KCNH8: variants seen among roughly 807,000 people sequenced by gnomAD.
KCNH8 encodes potassium voltage-gated channel subfamily H member 8, also known as voltage-gated delayed rectifier potassium channel KCNH8.
Under a neutral mutation model 103.6 loss-of-function variants are expected in KCNH8, and 70 were observed. That is an observed-to-expected ratio of 0.68 (90% CI 0.56 to 0.82). KCNH8 has a LOEUF of 0.82. Ranked by LOEUF, KCNH8 falls within the 40% of genes least tolerant of loss-of-function variation. The probability of loss-of-function intolerance (pLI) is 0.00; values close to 1 mark genes in which losing one functional copy is unlikely to be tolerated. For synonymous variants in KCNH8, 498 were observed against 489.4 expected, an observed-to-expected ratio of 1.02 and a Z score of -0.23; for missense variants, 1,217 against 1,329.9, an observed-to-expected ratio of 0.92 and a Z score of 1.32.
intron 14 of KCNH8, among the ~76,000 whole-genome samples, chr3:19,515,814 G>A (rs942444445): frequency 6.6e-6 from 1 of 151,996 alleles, no homozygotes; most frequent in African/African-American, 2.4e-5. Context: ...TATTTAACCA[G>A]TTTATTCAGT....
At chr3:19,394,353 A>C (rs886614900) in intron 6 of KCNH8, among the ~76,000 whole-genome samples, 2 of 152,048 alleles carry the variant, frequency 1.3e-5, no homozygotes, top group Non-Finnish European at 2.9e-5. Context: ...TTGGACCCTG[A>C]AGTCAATAAA....
chr3:19,360,905 A>G (rs2125109353), intron 5 of KCNH8, among the ~76,000 whole-genome samples: 1 of 152,232 alleles, frequency 6.6e-6, no homozygotes, highest in South Asian at 2.1e-4. Flanking sequence ...TAGAGGTACA[A>G]GTGGACATAG....
chr3:19,497,230 A>G (rs1417396921), intron 11 of KCNH8, among the ~76,000 whole-genome samples: 3 of 152,048 alleles, frequency 2.0e-5, no homozygotes, highest in Non-Finnish European at 1.5e-5. Flanking sequence ...ATGATTTTTC[A>G]TGTCTTAATA....
At chr3:19,507,335 G>A (rs1242052438) in intron 11 of KCNH8, among the ~76,000 whole-genome samples, 1 of 152,180 alleles carries the variant, frequency 6.6e-6, no homozygotes, top group Non-Finnish European at 1.5e-5. Flanking sequence ...CTCAGAGCCA[G>A]TATCAGTGGG....
chr3:19,201,315 A>G (rs575380181), intron 1 of KCNH8, among the ~76,000 whole-genome samples: 54 of 150,440 alleles, frequency 3.6e-4, no homozygotes, highest in African/African-American at 1.3e-3. Flanking sequence ...TTTTAACACA[A>G]CATGTTTATT....
At chr3:19,447,364 T>C (rs1030148282) in intron 8 of KCNH8, among the ~76,000 whole-genome samples, 10 of 152,066 alleles carry the variant, frequency 6.6e-5, no homozygotes, top group Admixed American at 5.9e-4. Flanking sequence ...ACAACACTTA[T>C]GAATGCTACA....
At chr3:19,520,008 A>C (rs1362085995) in intron 15 of KCNH8, among the ~76,000 whole-genome samples, 1 of 151,674 alleles carries the variant, frequency 6.6e-6, no homozygotes, top group East Asian at 1.9e-4. Flanking sequence ...TAGATCCATT[A>C]ACAAAAAAAA....
chr3:19,195,617 C>T (rs1457763014), intron 1 of KCNH8, among the ~76,000 whole-genome samples: 1 of 151,894 alleles, frequency 6.6e-6, no homozygotes, highest in Non-Finnish European at 1.5e-5. Context: ...TGGTGTGCTG[C>T]AGTTTTTCGC....
intron 8 of KCNH8, among the ~76,000 whole-genome samples, chr3:19,447,649 G>A (rs2067382364): frequency 6.6e-6 from 1 of 151,950 alleles, no homozygotes; most frequent in African/African-American, 2.4e-5. Context: ...GCCTGAAGTC[G>A]ATGTTTAATT....
chr3:19,200,087 T>C (rs2063641609), intron 1 of KCNH8, among the ~76,000 whole-genome samples: 3 of 152,230 alleles, frequency 2.0e-5, no homozygotes, highest in East Asian at 3.9e-4. Context: ...AATTTACTTT[T>C]ATTAAGTGAT....
At chr3:19,530,404 T>C (rs983604447) in intron 15 of KCNH8, among the ~76,000 whole-genome samples, 1 of 152,156 alleles carries the variant, frequency 6.6e-6, no homozygotes, top group Non-Finnish European at 1.5e-5. Flanking sequence ...AAATATCACA[T>C]GCATCCTATA....
chr3:19,442,004 C>G (rs1195577403), intron 8 of KCNH8, among the ~76,000 whole-genome samples: 1 of 152,178 alleles, frequency 6.6e-6, no homozygotes, highest in African/African-American at 2.4e-5. Context: ...AGTGCCACAT[C>G]AGTTAGGAAG....
intron 11 of KCNH8, among the ~76,000 whole-genome samples, chr3:19,458,012 G>A (rs2067560463): frequency 6.6e-6 from 1 of 151,890 alleles, no homozygotes; most frequent in African/African-American, 2.4e-5. Context: ...TGTTTTATGT[G>A]TTAAGCACTC....
chr3:19,369,524 T>A (rs2125114839), intron 5 of KCNH8, among the ~76,000 whole-genome samples: 1 of 152,192 alleles, frequency 6.6e-6, no homozygotes, highest in Admixed American at 6.6e-5. Context: ...AGCATTTCAA[T>A]GTTGGTGGCC....
At chr3:19,444,248 A>G (rs2067328979) in intron 8 of KCNH8, among the ~76,000 whole-genome samples, 1 of 152,090 alleles carries the variant, frequency 6.6e-6, no homozygotes, top group Non-Finnish European at 1.5e-5. Context: ...TTGTCACTTC[A>G]TTTGTGATAC....
chr3:19,460,804 G>A (rs1039472619), intron 11 of KCNH8, among the ~76,000 whole-genome samples: 2 of 152,076 alleles, frequency 1.3e-5, no homozygotes, highest in East Asian at 1.9e-4. Flanking sequence ...GGGCAGTTTC[G>A]CTCATCCTGT....
intron 5 of KCNH8, among the ~76,000 whole-genome samples, chr3:19,376,232 T>A (rs1471330575): frequency 6.6e-6 from 1 of 152,180 alleles, no homozygotes; most frequent in Non-Finnish European, 1.5e-5. Flanking sequence ...CTCAGAGTGC[T>A]GTGCTAGCAA....
chr3:19,292,298 G>A (rs1050139266), intron 3 of KCNH8, among the ~76,000 whole-genome samples: 2 of 152,146 alleles, frequency 1.3e-5, no homozygotes, highest in African/African-American at 4.8e-5. Flanking sequence ...AATTTGTTTT[G>A]AGAATTTAGG....
At chr3:19,260,350 T>C (rs1042433472) in intron 2 of KCNH8, among the ~76,000 whole-genome samples, 5 of 150,844 alleles carry the variant, frequency 3.3e-5, no homozygotes, top group African/African-American at 1.2e-4. Context: ...TTTCAGATCC[T>C]GATAAAAAGG....
Sources: gnomAD v4.1 joint callset for allele counts (sites outside exome capture counted in the v4.1 genomes callset) on GRCh38, gnomAD v4.1.1 for gene constraint, MANE v1.5 for transcripts, NCBI Gene and HGNC (gene_info 2026-07-23, HGNC 2026-07-21) for gene names.